The following PARD3 variants were observed in gnomAD, a reference collection of about 807,000 sequenced individuals.
PARD3 encodes the protein par-3 family cell polarity regulator.
A neutral mutation model predicts 155.4 loss-of-function variants in PARD3; 75 were observed. The ratio of observed to expected loss-of-function variants is 0.48; its 90% CI spans 0.40 to 0.58. The LOEUF (loss-of-function observed/expected upper bound fraction) is 0.58, where lower values mean the gene tolerates loss of function less well. Ranked by LOEUF, PARD3 falls within the 20% of genes least tolerant of loss-of-function variation. The pLI is 0.00. For missense variants in PARD3, 1,642 were observed against 1,721.7 expected, an observed-to-expected ratio of 0.95 and a Z score of 0.82; for synonymous variants, 576 against 610.5, an observed-to-expected ratio of 0.94 and a Z score of 0.83.
chr10:34,752,448 A>G (rs1477490972), intron 1 of PARD3, among the ~76,000 whole-genome samples: 1 of 152,146 alleles, frequency 6.6e-6, no homozygotes, highest in African/African-American at 2.4e-5. Context: ...CTGCACTACT[A>G]ACACAGTCAG....
At chr10:34,337,912 G>A (rs1326359336) in intron 16 of PARD3, among the ~76,000 whole-genome samples, 2 of 152,166 alleles carry the variant, frequency 1.3e-5, no homozygotes, top group African/African-American at 4.8e-5. Context: ...GAAAAAAAAT[G>A]CCATTATGGC....
intron 23 of PARD3, among the ~76,000 whole-genome samples, chr10:34,126,824 A>AAG (rs1411473968): frequency 1.3e-5 from 2 of 152,022 alleles, no homozygotes; most frequent in African/African-American, 4.8e-5. Flanking sequence ...AAATGAAAAA[A>AAG]AAAAAAAAAA....
At chr10:34,635,892 T>C (rs1260014285) in intron 2 of PARD3, among the ~76,000 whole-genome samples, 3 of 152,100 alleles carry the variant, frequency 2.0e-5, no homozygotes, top group Non-Finnish European at 4.4e-5. Context: ...GCTGACAGTG[T>C]GTGGGCAGAC....
At chr10:34,733,126 A>G (rs1038023262) in intron 1 of PARD3, among the ~76,000 whole-genome samples, 6 of 152,154 alleles carry the variant, frequency 3.9e-5, no homozygotes, top group Non-Finnish European at 8.8e-5. Flanking sequence ...GAAAACATAA[A>G]AGTCTCACTA....
intron 22 of PARD3, among the ~76,000 whole-genome samples, chr10:34,165,319 C>T (rs997353380): frequency 6.6e-6 from 1 of 152,178 alleles, no homozygotes; most frequent in African/African-American, 2.4e-5. Flanking sequence ...AGCTTCTTCA[C>T]TTCCCTTTTG....
intron 2 of PARD3, among the ~76,000 whole-genome samples, chr10:34,626,164 T>C (rs1016017503): frequency 1.3e-5 from 2 of 152,126 alleles, no homozygotes; most frequent in Non-Finnish European, 2.9e-5. Flanking sequence ...CCTGTAAACA[T>C]TGGAATTACA....
chr10:34,656,385 C>T (rs973487328), intron 2 of PARD3, among the ~76,000 whole-genome samples: 1 of 152,146 alleles, frequency 6.6e-6, no homozygotes, highest in African/African-American at 2.4e-5. Flanking sequence ...CTCAAGTTTT[C>T]GTACTATTGA....
At chr10:34,462,626 C>T (rs2077721906) in intron 4 of PARD3, among the ~76,000 whole-genome samples, 1 of 151,854 alleles carries the variant, frequency 6.6e-6, no homozygotes, top group Admixed American at 6.6e-5. Flanking sequence ...GGGAGGATCA[C>T]TTGAGCCCAG....
chr10:34,719,367 T>C (rs922057380), intron 1 of PARD3, among the ~76,000 whole-genome samples: 1 of 152,222 alleles, frequency 6.6e-6, no homozygotes, highest in African/African-American at 2.4e-5. Flanking sequence ...TTAAGGATTA[T>C]TTCATTTTCT....
intron 2 of PARD3, among the ~76,000 whole-genome samples, chr10:34,638,518 A>C (rs1472912556): frequency 2.0e-5 from 3 of 152,204 alleles, no homozygotes; most frequent in Non-Finnish European, 2.9e-5. Context: ...TTTCATGACA[A>C]CATTCTAAAA....
chr10:34,655,746 A>G (rs989024843), intron 2 of PARD3, among the ~76,000 whole-genome samples: 2 of 152,344 alleles, frequency 1.3e-5, no homozygotes. Context: ...ATGACAATAC[A>G]AAGAGTAGAC....
intron 20 of PARD3, among the ~76,000 whole-genome samples, chr10:34,304,613 G>A (rs530828806): frequency 2.0e-5 from 3 of 152,218 alleles, no homozygotes; most frequent in South Asian, 2.1e-4. Flanking sequence ...TTAGGAACAC[G>A]GCCTTTGAGG....
intron 7 of PARD3, among the ~76,000 whole-genome samples, chr10:34,389,621 T>A (rs1385122363): frequency 6.6e-6 from 1 of 152,114 alleles, no homozygotes; most frequent in African/African-American, 2.4e-5. Context: ...TTAATAAAGG[T>A]TGACACAGTA....
chr10:34,348,204 C>A, intron 14 of PARD3, 89 bp from the exon 15 acceptor site: 1 of 1,168,874 alleles, frequency 8.6e-7, no homozygotes, highest in South Asian at 1.8e-5. Flanking sequence ...TTGCCCGAGG[C>A]CTGTATCCAA....
intron 1 of PARD3, among the ~76,000 whole-genome samples, chr10:34,771,281 G>A (rs148296967): frequency 5.3e-5 from 8 of 152,300 alleles, no homozygotes; most frequent in East Asian, 1.9e-4. Context: ...AGCTCAGAAC[G>A]TGGCTCTGCC....
rs550439728 is a variant in PARD3, at chr10:34,210,593, T to G, written c.3419+59064A>C. Among the ~76,000 whole-genome samples the G allele has an allele frequency of 4.7e-4, 72 of 152,268 alleles. No homozygotes were observed. In the South Asian group the frequency reaches 0.015, roughly 31 times the overall value. Reference sequence around the variant, plus strand: ...AAATAATTGATCATTCTCTCCTGATTGACATAGTAGATATTAATGATCAAA... The same window carrying G: ...AAATAATTGATCATTCTCTCCTGATGGACATAGTAGATATTAATGATCAAA... On this transcript the variant is annotated intron_variant, in intron 22 of 24. Transcript: ENST00000374788.
intron 7 of PARD3, among the ~76,000 whole-genome samples, chr10:34,398,384 C>A (rs768002142): frequency 6.6e-6 from 1 of 152,132 alleles, no homozygotes; most frequent in Non-Finnish European, 1.5e-5. Flanking sequence ...GTTCTACGGT[C>A]TCAGTCACTG....
intron 22 of PARD3, among the ~76,000 whole-genome samples, chr10:34,168,595 G>C (rs541053897): frequency 6.6e-6 from 1 of 152,244 alleles, no homozygotes; most frequent in South Asian, 2.1e-4. Flanking sequence ...AGGGCGAGGA[G>C]CTGCACTCTG....
At chr10:34,805,554 T>C (rs184117159) in intron 1 of PARD3, among the ~76,000 whole-genome samples, 3,268 of 147,828 alleles carry the variant, frequency 0.022, 123 homozygotes, top group African/African-American at 0.078. Flanking sequence ...TATATATATA[T>C]ATATATATAT....
Sources: allele counts gnomAD v4.1 joint callset (sites outside exome capture counted in the v4.1 genomes callset), GRCh38; gene constraint gnomAD v4.1.1; transcripts MANE v1.5; gene names NCBI Gene and HGNC (gene_info 2026-07-23, HGNC 2026-07-21).